UBAP2: variants seen among roughly 807,000 people sequenced by gnomAD.
UBAP2 encodes the protein ubiquitin-associated protein 2.
UBAP2 carries 75 observed loss-of-function variants against 139.6 expected under a neutral mutation model. That is an observed-to-expected ratio of 0.54 (90% confidence interval 0.45 to 0.65). The LOEUF (loss-of-function observed/expected upper bound fraction) is 0.65, where lower values mean the gene tolerates loss of function less well. UBAP2 is among the 30% of genes least tolerant of loss of function. The pLI is 0.00. For missense variants in UBAP2, 1,368 were observed against 1,369.6 expected (o/e 1.00, Z 0.02); for synonymous variants, 526 against 526.2 (o/e 1.00, Z 0.01).
chr9:33,949,925 C>A (rs552947558), intron 12 of UBAP2, among the ~76,000 whole-genome samples: 1 of 152,284 alleles, frequency 6.6e-6, no homozygotes, highest in African/African-American at 2.4e-5. Context: ...CAATGTTACT[C>A]CTGCCCCATC....
At position 34,006,959 on chromosome 9, in the gene UBAP2, T is replaced by G. The variant is rs140660824; in HGVS notation, c.100-8095A>C. Among the ~76,000 whole-genome samples the G allele has an allele frequency of 1.5e-3, 234 of 152,288 alleles. 2 individuals are homozygous for G. Among genetic ancestry groups the G allele is most frequent in the South Asian group, 0.013 (64 of 4,826 alleles). On this transcript the variant is annotated intron_variant, in intron 2 of 28. Transcript: ENST00000379238. ...TACTATATAATGAGTACCTGAACAA[T>G]GTAGACAGAGTACAACTGTTTTGCT...
At chr9:33,983,713 GGTGTAC>G (rs1446632181) in intron 6 of UBAP2, among the ~76,000 whole-genome samples, 3 of 152,032 alleles carry the variant, frequency 2.0e-5, no homozygotes, top group Non-Finnish European at 2.9e-5. Context: ...AATTAGCAGA[GGTGTAC>G]GTGCCAACAC....
At chr9:33,949,552 A>T (rs981972138) in intron 12 of UBAP2, among the ~76,000 whole-genome samples, 5 of 152,102 alleles carry the variant, frequency 3.3e-5, no homozygotes, top group Admixed American at 6.5e-5. Flanking sequence ...AAAATACAAA[A>T]ATTAGCCAGG....
At chr9:34,013,026 C>G (rs1823899075) in intron 2 of UBAP2, among the ~76,000 whole-genome samples, 1 of 150,406 alleles carries the variant, frequency 6.6e-6, no homozygotes, top group South Asian at 2.1e-4. Flanking sequence ...TGGTGATGTA[C>G]AAGTGTAGTC....
intron 1 of UBAP2, among the ~76,000 whole-genome samples, chr9:34,030,335 G>A (rs548716607): frequency 1.3e-5 from 2 of 151,934 alleles, no homozygotes; most frequent in Non-Finnish European, 2.9e-5. Context: ...TGTAGTCCCA[G>A]CTACTTGGGA....
chr9:33,936,440 C>T (rs950330976), intron 16 of UBAP2, among the ~76,000 whole-genome samples: 19 of 151,986 alleles, frequency 1.3e-4, no homozygotes, highest in South Asian at 6.2e-4. Context: ...ATTACAGGCG[C>T]GCACCACTAC....
chr9:34,030,591 C>G (rs914206698), intron 1 of UBAP2, among the ~76,000 whole-genome samples: 4 of 151,882 alleles, frequency 2.6e-5, no homozygotes, highest in Admixed American at 2.0e-4. Flanking sequence ...CCAGTGCACT[C>G]CTAGTACAGT....
intron 3 of UBAP2, chr9:33,996,710 C>T (rs1444191394): frequency 5.2e-5 from 9 of 171,914 alleles, no homozygotes; most frequent in Admixed American, 3.8e-4. Flanking sequence ...TATGAGTACA[C>T]GGTCATCATT....
intron 1 of UBAP2, among the ~76,000 whole-genome samples, chr9:34,041,069 T>C (rs1422799323): frequency 2.0e-5 from 3 of 152,004 alleles, no homozygotes; most frequent in African/African-American, 7.3e-5. Flanking sequence ...AAATTGGTAA[T>C]CTCAAAAAAC....
At chr9:33,963,084 T>C (rs780000688) in intron 9 of UBAP2, among the ~76,000 whole-genome samples, 3 of 152,152 alleles carry the variant, frequency 2.0e-5, no homozygotes, top group Non-Finnish European at 4.4e-5. Flanking sequence ...ACTTGCATAA[T>C]AGGGTGAGAA....
At chr9:34,018,345 A>T (rs1824580444) in intron 1 of UBAP2, among the ~76,000 whole-genome samples, 1 of 151,900 alleles carries the variant, frequency 6.6e-6, no homozygotes, top group East Asian at 1.9e-4. Flanking sequence ...GTTTAATTTT[A>T]AAAACACAGA....
rs1587602181 is a variant in UBAP2 at position 33,978,984 on chromosome 9, T to A, written c.521-5747A>T. ...CCAAAGCAGTGGCTTGTGCCTGTAA[T>A]CCCTCTGCTTTAGGAGGCCAAGGGA... On this transcript the variant is annotated intron_variant, in intron 6 of 28. Transcript: ENST00000379238. 3.3e-5 allele frequency among the ~76,000 whole-genome samples: 5 copies of A among 152,262 alleles called. No individual in the cohort carries two copies. In the South Asian group the frequency reaches 1.0e-3, roughly 32 times the overall value.
At chr9:33,962,330 A>G (rs148322510) in intron 9 of UBAP2, among the ~76,000 whole-genome samples, 18 of 152,326 alleles carry the variant, frequency 1.2e-4, no homozygotes, top group Non-Finnish European at 2.4e-4. Context: ...ATGGCCTACC[A>G]TGGCAATTCA....
intron 11 of UBAP2, among the ~76,000 whole-genome samples, 174 bp from the exon 12 acceptor site, chr9:33,953,648 C>T (rs552077356): frequency 1.3e-5 from 2 of 152,232 alleles, no homozygotes; most frequent in South Asian, 2.1e-4. Context: ...AAAGAACATA[C>T]CAAGCCACAG....
intron 2 of UBAP2, among the ~76,000 whole-genome samples, chr9:33,999,122 T>C (rs1382827578): frequency 1.3e-5 from 2 of 152,154 alleles, no homozygotes; most frequent in Non-Finnish European, 2.9e-5. Flanking sequence ...GCCAATGACT[T>C]ACTTGAATCT....
At chr9:33,970,168 A>C (rs1419841146) in intron 8 of UBAP2, among the ~76,000 whole-genome samples, 1 of 151,356 alleles carries the variant, frequency 6.6e-6, no homozygotes, top group African/African-American at 2.4e-5. Context: ...TCCTGAGCTC[A>C]AGCTGAGTTA....
intron 9 of UBAP2, 93 bp downstream of exon 9, chr9:33,963,633 T>C (rs1402188347): frequency 1.3e-5 from 10 of 750,076 alleles, no homozygotes; most frequent in Admixed American, 2.6e-5. Context: ...ATCTGATAAA[T>C]TTTTATTAGC....
At chr9:33,947,072 GT>G (rs1825706824) in intron 13 of UBAP2, among the ~76,000 whole-genome samples, 1 of 152,142 alleles carries the variant, frequency 6.6e-6, no homozygotes, top group Non-Finnish European at 1.5e-5. Context: ...CTAGGAATCT[GT>G]AATTTTGCTA....
rs941179199 is a variant in UBAP2 at position 34,043,470 on chromosome 9, G to A, written c.-42+5355C>T. Among the ~76,000 whole-genome samples, 74 of 152,036 alleles carry A rather than the reference G, an allele frequency of 4.9e-4. 6 individuals carry two copies. The highest frequency in any genetic ancestry group is 1.5e-5 in the Non-Finnish European group (1 of 68,014). On this transcript the variant is annotated intron_variant, in intron 1 of 28. Coordinates refer to ENST00000379238, the MANE Select transcript of UBAP2 (RefSeq NM_001370062.2). Reference sequence around the variant, plus strand: ...GCATGAGCCACCACACCCAAACTATGCTGTATTTTTCAATAAAAATCAGCA... The same window carrying A: ...GCATGAGCCACCACACCCAAACTATACTGTATTTTTCAATAAAAATCAGCA...
Sources: allele counts gnomAD v4.1 joint callset (sites outside exome capture counted in the v4.1 genomes callset), GRCh38; gene constraint gnomAD v4.1.1; transcripts MANE v1.5; gene names NCBI Gene and HGNC (gene_info 2026-07-23, HGNC 2026-07-21).